The following CORO2B variants were observed in gnomAD, a reference collection of about 807,000 sequenced individuals.
CORO2B encodes the protein coronin-2B.
A neutral mutation model predicts 58.8 loss-of-function variants in CORO2B; 26 were observed. The ratio of observed to expected loss-of-function variants is 0.44; its 90% CI spans 0.32 to 0.61. CORO2B has a LOEUF of 0.61. Ranked by LOEUF, CORO2B falls within the 20% of genes least tolerant of loss-of-function variation. CORO2B has a pLI of 0.04. For synonymous variants in CORO2B, 242 were observed against 253.8 expected (o/e 0.95, Z 0.44); for missense variants, 460 against 645.1 (o/e 0.71, Z 3.11).
At chr15:68,631,703 G>C (rs1900835454) in intron 1 of CORO2B, among the ~76,000 whole-genome samples, 1 of 152,232 alleles carries the variant, frequency 6.6e-6, no homozygotes, top group Non-Finnish European at 1.5e-5. Flanking sequence ...CCAGGGGGCA[G>C]GGTGGCAGCC....
At chr15:68,540,224 T>C in the CORO2B span, among the ~76,000 whole-genome samples, 1 of 152,240 alleles carries the variant, frequency 6.6e-6, no homozygotes, top group African/African-American at 2.4e-5. Flanking sequence ...GTTCACTGAA[T>C]TATGTAGATC....
rs1406471096 is a variant in CORO2B at position 68,710,591 on chromosome 15, G to T, written c.334-141G>T. 2.1e-6 allele frequency: 2 copies of T among 970,720 alleles called. No individual in the cohort carries two copies. Among genetic ancestry groups the T allele is most frequent in the South Asian group, 2.1e-5 (1 of 47,350 alleles). 60.1% of individuals were successfully genotyped at this position (970,720 alleles called of 1,614,324 possible). On this transcript the variant is annotated intron_variant, in intron 3 of 11. Coordinates refer to ENST00000261861, the MANE Select transcript of CORO2B (RefSeq NM_006091.5). This position sits in a 1 kb window ranked among gnomAD's most constrained non-coding sequence, Gnocchi z 4.1. ...TGAGACCTCCCAGCAGGCCTCAGTC[G>T]AGCTTTGCCCATCGCCTCAAGCCAG...
chr15:68,655,068 C>A (rs4777079), intron 2 of CORO2B, among the ~76,000 whole-genome samples: 46,406 of 152,028 alleles, frequency 0.31, 7,289 homozygotes, highest in East Asian at 0.45. Context: ...TCCAGGGCTG[C>A]CATGGAGCCT....
intron 1 of CORO2B, among the ~76,000 whole-genome samples, chr15:68,610,928 C>T (rs28442184): frequency 0.032 from 4,947 of 152,260 alleles, 251 homozygotes; most frequent in African/African-American, 0.1. Flanking sequence ...CCATTCCACA[C>T]CCTCGACGCA....
chr15:68,664,666 A>C (rs1456103271), intron 2 of CORO2B, among the ~76,000 whole-genome samples: 1 of 152,132 alleles, frequency 6.6e-6, no homozygotes, highest in Non-Finnish European at 1.5e-5. Flanking sequence ...CCAAAAACCA[A>C]AAAACAAAAA....
chr15:68,698,741 C>T (rs1214087296), intron 3 of CORO2B, among the ~76,000 whole-genome samples: 1 of 152,140 alleles, frequency 6.6e-6, no homozygotes, highest in Non-Finnish European at 1.5e-5. Flanking sequence ...AGTAAGATAC[C>T]TCCCTTTGGC....
At chr15:68,676,177 T>C (rs2140298959) in intron 2 of CORO2B, among the ~76,000 whole-genome samples, 1 of 152,302 alleles carries the variant, frequency 6.6e-6, no homozygotes, top group African/African-American at 2.4e-5. Flanking sequence ...GATAAGGATA[T>C]CTGATTGGCT....
At chr15:68,700,598 G>A (rs112849052) in intron 3 of CORO2B, among the ~76,000 whole-genome samples, 10 of 152,350 alleles carry the variant, frequency 6.6e-5, no homozygotes, top group African/African-American at 2.2e-4. Context: ...CTTTGGGCCC[G>A]AGGGAGGGCT....
chr15:68,581,464 A>G (rs1278148556), intron 1 of CORO2B, among the ~76,000 whole-genome samples: 1 of 152,202 alleles, frequency 6.6e-6, no homozygotes. Context: ...TACCATAGGG[A>G]AAGCCACCAT....
At position 68,711,530 on chromosome 15, in the gene CORO2B, C is replaced by T. The variant is rs1167245495; in HGVS notation, c.484-12C>T. 1 of 1,606,868 alleles carries T rather than the reference C, an allele frequency of 6.2e-7. No individual in the cohort carries two copies. Among genetic ancestry groups the T allele is most frequent in the Non-Finnish European group, 8.5e-7 (1 of 1,175,398 alleles). On this transcript the variant is annotated splice_polypyrimidine_tract_variant and intron_variant, in intron 4 of 11. Coordinates refer to ENST00000261861, the MANE Select transcript of CORO2B (RefSeq NM_006091.5). ...GCCACTGACCCTGCCTCCCATGCAT[C>T]TGCCCTCGCAGGTCCTCATCTGGAA...
chr15:68,690,918 G>C (rs1892343504), intron 2 of CORO2B, among the ~76,000 whole-genome samples: 1 of 140,068 alleles, frequency 7.1e-6, no homozygotes, highest in Non-Finnish European at 1.6e-5. Flanking sequence ...GCCTCCCAAA[G>C]TGCCAAGTGG....
At chr15:68,646,916 T>G (rs533870955) in intron 2 of CORO2B, among the ~76,000 whole-genome samples, 2 of 152,262 alleles carry the variant, frequency 1.3e-5, no homozygotes, top group African/African-American at 4.8e-5. Flanking sequence ...TCAGATGGCC[T>G]CCGATCACTG....
chr15:68,604,029 G>A (rs1900046129), intron 1 of CORO2B, among the ~76,000 whole-genome samples: 1 of 152,188 alleles, frequency 6.6e-6, no homozygotes, highest in Admixed American at 6.5e-5. Flanking sequence ...GTGGAGTCAA[G>A]ACTGCTGGGG....
chr15:68,574,967 G>A (rs1350730299), upstream of CORO2B, among the ~76,000 whole-genome samples: 1 of 152,172 alleles, frequency 6.6e-6, no homozygotes, highest in Non-Finnish European at 1.5e-5. Context: ...ATACTGCAAC[G>A]TCTTATTTAC....
chr15:68,581,242 T>C (rs1014117091), intron 1 of CORO2B, among the ~76,000 whole-genome samples: 4 of 152,112 alleles, frequency 2.6e-5, no homozygotes, highest in African/African-American at 9.7e-5. Context: ...AAACCCTCCA[T>C]GTCGCTCACC....
intron 1 of CORO2B, among the ~76,000 whole-genome samples, chr15:68,624,258 A>C (rs1036877416): frequency 6.6e-6 from 1 of 152,226 alleles, no homozygotes; most frequent in Non-Finnish European, 1.5e-5. Flanking sequence ...GTGAGACTGC[A>C]GTCCCAGCTG....
chr15:68,521,207 A>T, the CORO2B span, among the ~76,000 whole-genome samples: 6 of 151,742 alleles, frequency 4.0e-5, no homozygotes, highest in African/African-American at 1.2e-4. Flanking sequence ...CTTTTCTTGC[A>T]TTCTTTTGAA....
upstream of CORO2B, among the ~76,000 whole-genome samples, chr15:68,578,607 C>T (rs978638656): frequency 6.6e-6 from 1 of 152,044 alleles, no homozygotes; most frequent in Non-Finnish European, 1.5e-5. The surrounding 1 kb of genome is among the most constrained non-coding windows in gnomAD (Gnocchi z 4.2). Flanking sequence ...TTGCGAGCCT[C>T]CAGGGGGCGA....
At chr15:68,575,273 G>A (rs1014380782), upstream of CORO2B, among the ~76,000 whole-genome samples, 3 of 152,126 alleles carry the variant, frequency 2.0e-5, no homozygotes, top group Admixed American at 6.5e-5. Flanking sequence ...TCTGATCCAC[G>A]GGTCTCTGGG....
Sources: allele counts gnomAD v4.1 joint callset (sites outside exome capture counted in the v4.1 genomes callset), GRCh38; gene constraint gnomAD v4.1.1; non-coding constraint Gnocchi (gnomAD v3.1); transcripts MANE v1.5; gene names NCBI Gene and HGNC (gene_info 2026-07-23, HGNC 2026-07-21).